Variants in CALCRL observed in about 807,000 individuals in gnomAD.
The protein encoded by CALCRL is calcitonin receptor like receptor, also known as calcitonin gene-related peptide type 1 receptor.
A neutral mutation model predicts 60.4 loss-of-function variants in CALCRL; 27 were observed. That is an observed-to-expected ratio of 0.45 (90% confidence interval 0.33 to 0.62). The LOEUF (loss-of-function observed/expected upper bound fraction) is 0.62. Ranked by LOEUF, CALCRL falls within the 20% of genes least tolerant of loss-of-function variation. The pLI is 0.03. For synonymous variants in CALCRL, 190 were observed against 182.6 expected (o/e 1.04, Z -0.33); for missense variants, 424 against 540.7 (o/e 0.78, Z 2.14).
chr2:187,404,624 C>T (rs1291802570), intron 1 of CALCRL, among the ~76,000 whole-genome samples: 1 of 150,812 alleles, frequency 6.6e-6, no homozygotes, highest in African/African-American at 2.4e-5. Context: ...TCGTAGTTTA[C>T]CGTGTGTGTC....
rs1326868810 is a variant in CALCRL, at chr2:187,383,281, C to G, written c.76G>C (p.Glu26Gln). ...FMILVTAELE[E>Q]SPEDSIQLGV... ...AACTGAATTGAGTCCTCAGGACTCT[C>G]TTCTAATTCTGCTGTAACAAGAATC... The change falls in exon 5 of 15, where the codon GAG (glutamate) becomes CAG (glutamine). Residue 26 changes from glutamate (E) to glutamine (Q), a missense_variant. Transcript: ENST00000392370. The G allele has an allele frequency of 1.2e-6, 2 of 1,603,264 alleles. No individual in the cohort carries two copies.
At chr2:187,370,553 T>C (rs1475229343) in intron 8 of CALCRL, among the ~76,000 whole-genome samples, 1 of 152,188 alleles carries the variant, frequency 6.6e-6, no homozygotes, top group Admixed American at 6.5e-5. Flanking sequence ...CAAATATATC[T>C]GTAGGAATAA....
intron 1 of CALCRL, among the ~76,000 whole-genome samples, chr2:187,416,647 A>T (rs1355355261): frequency 2.6e-5 from 4 of 152,176 alleles, no homozygotes; most frequent in Non-Finnish European, 5.9e-5. Flanking sequence ...CAAGTTACCA[A>T]GTGTATGGTC....
intron 1 of CALCRL, chr2:187,436,483 C>T (rs1450295591): frequency 6.6e-6 from 1 of 152,182 alleles, no homozygotes; most frequent in Non-Finnish European, 1.5e-5. Flanking sequence ...GGGTTCAATC[C>T]TGAAACACAA....
Position 187,346,237 on chromosome 2 carries a change from T to C in CALCRL, c.1333A>G (p.Ser445Gly), listed in dbSNP as rs1686263137. ...AGAACATTTTCAATATCATGGATGCTTTTTCCATTTAAGTGTTCACTAGGA... is the reference window on the plus strand; with the variant it reads ...AGAACATTTTCAATATCATGGATGCCTTTTCCATTTAAGTGTTCACTAGGA... Reference protein sequence around the residue: ...DCPSEHLNGKSIHDIENVLLK... With the variant: ...DCPSEHLNGKGIHDIENVLLK... The change falls in exon 15 of 15, where the codon AGC (serine) becomes GGC (glycine). Residue 445 changes from serine (S) to glycine (G), a missense_variant. Ser to Gly is a moderately conservative substitution (Grantham distance 56). Around this residue, in one of 7 missense-constraint regions of CALCRL, gnomAD observed 222 missense variants for 265.6 expected, o/e 0.84. Transcript: ENST00000392370. The C allele has an allele frequency of 1.9e-6, 3 of 1,611,046 alleles. No homozygotes were observed. The African/African-American group carries it at 4.0e-5, about 22-fold the overall frequency.
In CALCRL at chr2:187,383,315, TA is replaced by T. The variant is rs762098177; in HGVS notation, c.52-11del. 2.0e-5 allele frequency: 32 copies of T among 1,577,732 alleles called. No individual in the cohort carries two copies. The highest frequency in any genetic ancestry group is 2.6e-5 in the Non-Finnish European group (30 of 1,167,192). On this transcript the variant is annotated splice_polypyrimidine_tract_variant and intron_variant, in intron 4 of 14. Coordinates refer to ENST00000392370, the MANE Select transcript of CALCRL (RefSeq NM_005795.6). ...CTGCTGTAACAAGAATCTAAGGGAT[TA>T]AAAAAACAACAACATCAACTTCATG...
At chr2:187,402,349 C>T (rs185971987) in intron 1 of CALCRL, among the ~76,000 whole-genome samples, 279 of 151,620 alleles carry the variant, frequency 1.8e-3, no homozygotes, top group African/African-American at 6.4e-3. Flanking sequence ...ATTATAGGTA[C>T]TCAATTAAAT....
intron 1 of CALCRL, among the ~76,000 whole-genome samples, chr2:187,426,564 C>T (rs2105884110): frequency 6.6e-6 from 1 of 152,122 alleles, no homozygotes; most frequent in South Asian, 2.1e-4. Flanking sequence ...CTACTTGTAG[C>T]TATCTATTTA....
chr2:187,392,612 T>C (rs1360200419), intron 1 of CALCRL, among the ~76,000 whole-genome samples: 1 of 152,190 alleles, frequency 6.6e-6, no homozygotes, highest in Non-Finnish European at 1.5e-5. Flanking sequence ...GGTTAACTTA[T>C]TTTTCTCACT....
Position 187,351,761 on chromosome 2 carries a change from A to G in CALCRL, c.1170+159T>C, listed in dbSNP as rs1286385152. On this transcript the variant is annotated intron_variant, in intron 14 of 14. Transcript: ENST00000392370. ...ACCTGAGCATTTGAGAAGGAGAGTT[A>G]AACCTATGGTAAGAGATTCTATGGT... is the stretch of plus-strand genomic sequence containing the variant. 2.0e-5 allele frequency among the ~76,000 whole-genome samples: 3 copies of G among 151,886 alleles called. No individual in the cohort carries two copies. The East Asian group carries it at 5.8e-4, about 29-fold the overall frequency.
chr2:187,388,436 T>C (rs1438035127), intron 1 of CALCRL, among the ~76,000 whole-genome samples: 1 of 152,082 alleles, frequency 6.6e-6, no homozygotes, highest in Non-Finnish European at 1.5e-5. Context: ...TAAAGCAATT[T>C]ACAGTTCATT....
At chr2:187,433,591 AAG>A (rs1455713396) in intron 1 of CALCRL, among the ~76,000 whole-genome samples, 2 of 152,038 alleles carry the variant, frequency 1.3e-5, no homozygotes, top group African/African-American at 2.4e-5. Context: ...ACTCAAAAGA[AAG>A]AGCTAATTTT....
At chr2:187,399,661 A>C (rs1688802919) in intron 1 of CALCRL, among the ~76,000 whole-genome samples, 1 of 151,710 alleles carries the variant, frequency 6.6e-6, no homozygotes, top group South Asian at 2.1e-4. Flanking sequence ...AAAGAAAAAC[A>C]ACCCAATTAA....
chr2:187,435,859 T>TGC (rs1491535458), intron 1 of CALCRL, among the ~76,000 whole-genome samples: 2 of 85,622 alleles, frequency 2.3e-5, no homozygotes, highest in Non-Finnish European at 4.9e-5. Flanking sequence ...GGTGTGTGTG[T>TGC]TTGTGCGTGC....
chr2:187,433,140 T>C (rs1574321676), intron 1 of CALCRL, among the ~76,000 whole-genome samples: 1 of 152,146 alleles, frequency 6.6e-6, no homozygotes, highest in Non-Finnish European at 1.5e-5. Flanking sequence ...TTCCTATTAG[T>C]CTCAGCCTTT....
intron 1 of CALCRL, among the ~76,000 whole-genome samples, chr2:187,435,865 C>CGTAT (rs1690619845): frequency 6.7e-6 from 1 of 148,312 alleles, no homozygotes; most frequent in East Asian, 2.0e-4. Context: ...TGTGTTTGTG[C>CGTAT]GTGCGTGTGT....
At chr2:187,412,729 C>T (rs895214865) in intron 1 of CALCRL, among the ~76,000 whole-genome samples, 6 of 152,132 alleles carry the variant, frequency 3.9e-5, no homozygotes, top group Non-Finnish European at 8.8e-5. Context: ...TGAATCAAGC[C>T]TCAAGGCCTT....
chr2:187,371,651 G>T lies in CALCRL; in HGVS notation c.500+7289C>A, dbSNP rs140025158. 1.7e-3 allele frequency among the ~76,000 whole-genome samples: 255 copies of T among 151,706 alleles called. 7 individuals carry two copies. The East Asian group carries it at 0.048, about 28-fold the overall frequency. On this transcript the variant is annotated intron_variant, in intron 8 of 14. Coordinates refer to ENST00000392370, the MANE Select transcript of CALCRL (RefSeq NM_005795.6). ...TGTGGGAGGCTGAGGCAGGAGAATCGCTTGAACCCGGGAAGCAGAGGTTGC... is the reference window on the plus strand; with the variant it reads ...TGTGGGAGGCTGAGGCAGGAGAATCTCTTGAACCCGGGAAGCAGAGGTTGC...
intron 1 of CALCRL, among the ~76,000 whole-genome samples, chr2:187,447,618 G>A (rs552322210): frequency 2.6e-5 from 4 of 152,004 alleles, no homozygotes; most frequent in African/African-American, 4.8e-5. Flanking sequence ...GACCCATTAA[G>A]TAGTTATTCT....
Sources: allele counts gnomAD v4.1 joint callset (sites outside exome capture counted in the v4.1 genomes callset), GRCh38; gene constraint gnomAD v4.1.1; regional missense constraint gnomAD v4.1.1; transcripts MANE v1.5; gene names NCBI Gene and HGNC (gene_info 2026-07-23, HGNC 2026-07-21).